The following ZMYM4 variants were observed in gnomAD, a reference collection of about 807,000 sequenced individuals.
ZMYM4 encodes zinc finger MYM-type containing 4, also known as zinc finger MYM-type protein 4.
ZMYM4 carries 31 observed loss-of-function variants against 183.2 expected under a neutral mutation model. That is an observed-to-expected ratio of 0.17 (90% confidence interval 0.13 to 0.23). The LOEUF (loss-of-function observed/expected upper bound fraction) is 0.23. Among genes scored for constraint, ZMYM4 ranks in the 10% least tolerant of loss-of-function variants. ZMYM4 has a pLI of 1.00. For missense variants in ZMYM4, 1,273 were observed against 1,840.3 expected (o/e 0.69, Z 5.64); for synonymous variants, 592 against 631.2 (o/e 0.94, Z 0.93).
chr1:35,391,615 C>T (rs1412899623), intron 15 of ZMYM4, among the ~76,000 whole-genome samples: 1 of 152,054 alleles, frequency 6.6e-6, no homozygotes, highest in African/African-American at 2.4e-5. Context: ...TTAAATCTAA[C>T]CTGTGATCTT....
At chr1:35,331,134 A>T (rs1002740017) in intron 2 of ZMYM4, among the ~76,000 whole-genome samples, 5 of 152,164 alleles carry the variant, frequency 3.3e-5, no homozygotes, top group African/African-American at 1.2e-4. Context: ...CTACTTAAAA[A>T]TTTTTGTTTA....
At chr1:35,281,817 G>A (rs79448993) in intron 1 of ZMYM4, among the ~76,000 whole-genome samples, 2,879 of 152,176 alleles carry the variant, frequency 0.019, 39 homozygotes, top group Non-Finnish European at 0.031. Context: ...AACCCTGCAT[G>A]GTCCCTTGCG....
chr1:35,352,946 A>G (rs1186457713), intron 2 of ZMYM4, among the ~76,000 whole-genome samples: 1 of 152,210 alleles, frequency 6.6e-6, no homozygotes, highest in African/African-American at 2.4e-5. Context: ...TCTTAACTAC[A>G]GGCTAATATA....
intron 23 of ZMYM4, among the ~76,000 whole-genome samples, chr1:35,401,421 T>C (rs1644906125): frequency 6.6e-6 from 1 of 152,268 alleles, no homozygotes; most frequent in Non-Finnish European, 1.5e-5. Flanking sequence ...TTGCCATTCA[T>C]GTGTCTTCTT....
intron 1 of ZMYM4, 23 bp from the exon 2 acceptor site, chr1:35,325,336 CT>C: frequency 6.3e-7 from 1 of 1,593,092 alleles, no homozygotes; most frequent in Admixed American, 1.7e-5. Flanking sequence ...GGTAATGTTA[CT>C]TTTTCCTTTT....
At chr1:35,372,200 G>A (rs1285465194) in intron 7 of ZMYM4, among the ~76,000 whole-genome samples, 1 of 152,128 alleles carries the variant, frequency 6.6e-6, no homozygotes, top group East Asian at 1.9e-4. Context: ...TAAGATTGGT[G>A]CTTTTGTGAC....
intron 2 of ZMYM4, among the ~76,000 whole-genome samples, chr1:35,341,942 A>G (rs989346401): frequency 6.6e-6 from 1 of 152,148 alleles, no homozygotes; most frequent in African/African-American, 2.4e-5. Flanking sequence ...TCAGTTTGCT[A>G]ATATTTTCCT....
intron 2 of ZMYM4, among the ~76,000 whole-genome samples, chr1:35,330,535 A>C (rs1275377363): frequency 6.6e-6 from 1 of 152,182 alleles, no homozygotes; most frequent in African/African-American, 2.4e-5. Context: ...ACTTAGGTTT[A>C]TATCTCATTG....
At chr1:35,318,600 G>A (rs1642156122) in intron 1 of ZMYM4, among the ~76,000 whole-genome samples, 1 of 152,044 alleles carries the variant, frequency 6.6e-6, no homozygotes, top group Non-Finnish European at 1.5e-5. Flanking sequence ...TGGGATTACA[G>A]GCATGTGCCA....
At chr1:35,293,376 G>A (rs1640855074) in intron 1 of ZMYM4, among the ~76,000 whole-genome samples, 1 of 151,830 alleles carries the variant, frequency 6.6e-6, no homozygotes, top group African/African-American at 2.4e-5. Flanking sequence ...TGTAGTGGCA[G>A]GATCTTGGCT....
chr1:35,269,235 C>A, intron 1 of ZMYM4, 150 bp downstream of exon 1: 1 of 558,740 alleles, frequency 1.8e-6, no homozygotes, highest in Non-Finnish European at 2.4e-6. Context: ...GTCCGGAGCG[C>A]GCTGGCGAGC....
chr1:35,375,200 C>T (rs1644308916), intron 7 of ZMYM4, among the ~76,000 whole-genome samples: 1 of 152,112 alleles, frequency 6.6e-6, no homozygotes, highest in African/African-American at 2.4e-5. Context: ...TTGCTTCAGT[C>T]TTCAACCATT....
At chr1:35,377,430 A>G (rs1447035120) in intron 7 of ZMYM4, among the ~76,000 whole-genome samples, 1 of 152,210 alleles carries the variant, frequency 6.6e-6, no homozygotes, top group African/African-American at 2.4e-5. Flanking sequence ...GCTCCTAACG[A>G]TGATTTCCCA....
Position 35,352,267 on chromosome 1 carries a change from GCGCACACACACACACA to G in ZMYM4, c.86-6656_86-6641del, listed in dbSNP as rs1391243248. On this transcript the variant is annotated intron_variant, in intron 2 of 29. Coordinates refer to ENST00000314607, the MANE Select transcript of ZMYM4 (RefSeq NM_005095.3). ...TTTAAAAATTAGCGCGCACGCGCGC[GCGCACACACACACACA>G]CACACACACACACACACACACACAC... Among the ~76,000 whole-genome samples the G allele has an allele frequency of 9.4e-3, 739 of 78,278 alleles. 13 individuals carry two copies. In the East Asian group the frequency reaches 0.12, roughly 12 times the overall value. The allele number at this position is 78,278 out of a possible 152,430, so 51.4% of individuals were successfully genotyped here.
chr1:35,363,192 C>T (rs1643985623), intron 5 of ZMYM4, among the ~76,000 whole-genome samples: 1 of 152,208 alleles, frequency 6.6e-6, no homozygotes, highest in African/African-American at 2.4e-5. Flanking sequence ...GTTGCACAAG[C>T]TTGTCTCTAA....
intron 1 of ZMYM4, among the ~76,000 whole-genome samples, chr1:35,299,890 G>T (rs965214229): frequency 1.3e-5 from 2 of 152,004 alleles, no homozygotes; most frequent in Non-Finnish European, 2.9e-5. Context: ...CGTGCCCTGG[G>T]TTCATGCCAT....
At chr1:35,269,924 TAAG>T (rs1557875449) in intron 1 of ZMYM4, among the ~76,000 whole-genome samples, 1 of 152,354 alleles carries the variant, frequency 6.6e-6, no homozygotes, top group South Asian at 2.1e-4. Context: ...CTTAGCATGA[TAAG>T]AAGTAAGTTT....
At chr1:35,342,889 C>T (rs960938654) in intron 2 of ZMYM4, among the ~76,000 whole-genome samples, 5 of 151,992 alleles carry the variant, frequency 3.3e-5, no homozygotes, top group Non-Finnish European at 4.4e-5. Context: ...ACCATGTTGC[C>T]CAGGCTGGTA....
At chr1:35,334,909 TCTCA>T (rs1275944217) in intron 2 of ZMYM4, among the ~76,000 whole-genome samples, 3 of 152,228 alleles carry the variant, frequency 2.0e-5, no homozygotes, top group East Asian at 1.9e-4. Context: ...AGAAAGTTTT[TCTCA>T]CTCCTTAGTT....
Sources: gnomAD v4.1 joint callset for allele counts (sites outside exome capture counted in the v4.1 genomes callset) on GRCh38, gnomAD v4.1.1 for gene constraint, MANE v1.5 for transcripts, NCBI Gene and HGNC (gene_info 2026-07-23, HGNC 2026-07-21) for gene names.